The following CLNK variants were observed in gnomAD, a reference collection of about 807,000 sequenced individuals.
CLNK encodes the protein cytokine-dependent hematopoietic cell linker.
Under a neutral mutation model 68.6 loss-of-function variants are expected in CLNK, and 74 were observed. The ratio of observed to expected loss-of-function variants is 1.08; its 90% CI spans 0.89 to 1.31. CLNK has a LOEUF of 1.31. CLNK is among the 50% of genes most tolerant of loss of function. The pLI is 0.00. For missense variants in CLNK, 553 were observed against 515.3 expected, an observed-to-expected ratio of 1.07 and a Z score of -0.71; for synonymous variants, 198 against 172.2, an observed-to-expected ratio of 1.15 and a Z score of -1.17.
At chr4:10,511,117 C>T (rs7674986) in intron 16 of CLNK, among the ~76,000 whole-genome samples, 52,956 of 151,814 alleles carry the variant, frequency 0.35, 9,404 homozygotes, top group African/African-American at 0.43. Context: ...GAGATTGCCC[C>T]ATGGCACTCC....
intron 4 of CLNK, 127 bp downstream of exon 4, chr4:10,584,800 A>T: frequency 1.0e-6 from 1 of 976,068 alleles, no homozygotes; most frequent in Non-Finnish European, 1.6e-6. Context: ...GAATGGCATT[A>T]CTAGCTAATG....
chr4:10,700,904 C>G, the CLNK span, among the ~76,000 whole-genome samples: 1 of 152,160 alleles, frequency 6.6e-6, no homozygotes, highest in Non-Finnish European at 1.5e-5. Context: ...TATAATTACA[C>G]AGATGTTTTG....
At position 10,496,516 on chromosome 4, in the gene CLNK, G is replaced by C. The variant is rs73226442; in HGVS notation, c.1140+4740C>G. On this transcript the variant is annotated intron_variant, in intron 18 of 18. Coordinates refer to ENST00000226951, the MANE Select transcript of CLNK (RefSeq NM_052964.4). The stretch of plus-strand genomic sequence containing the variant: ...AGGCAGGAAGAACCACCTGTGAATT[G>C]TCATTTTTTACCCACTGCCTGGAAC... Among the ~76,000 whole-genome samples, 764 of 152,294 alleles carry C rather than the reference G, an allele frequency of 5.0e-3. 2 individuals are homozygous for C. Among genetic ancestry groups the C allele is most frequent in the Non-Finnish European group, 7.0e-3 (474 of 68,020 alleles).
the CLNK span, among the ~76,000 whole-genome samples, chr4:10,706,928 C>T: frequency 6.6e-6 from 1 of 152,052 alleles, no homozygotes; most frequent in East Asian, 1.9e-4. Flanking sequence ...CTCATCAGAC[C>T]CCCCTCCCTT....
the CLNK span, among the ~76,000 whole-genome samples, chr4:10,725,819 A>G: frequency 6.6e-6 from 1 of 151,554 alleles, no homozygotes; most frequent in African/African-American, 2.4e-5. Flanking sequence ...GCGCCACTGC[A>G]CTCCAGCCTG....
chr4:10,516,848 G>A (rs981361622), intron 15 of CLNK, among the ~76,000 whole-genome samples: 3 of 152,164 alleles, frequency 2.0e-5, no homozygotes, highest in Non-Finnish European at 4.4e-5. Flanking sequence ...ACCACGCCTG[G>A]CCAGGATTGT....
chr4:10,501,159 A>T, intron 18 of CLNK, 97 bp downstream of exon 18: 1 of 1,244,858 alleles, frequency 8.0e-7, no homozygotes, highest in Non-Finnish European at 1.1e-6. Context: ...CCTCTCCTTC[A>T]GGGCGGCATC....
chr4:10,622,175 G>T (rs1722482814), intron 2 of CLNK, among the ~76,000 whole-genome samples: 2 of 152,062 alleles, frequency 1.3e-5, no homozygotes, highest in South Asian at 4.2e-4. Flanking sequence ...CCTTTATTTG[G>T]TAAATACCAT....
chr4:10,501,285 C>T lies in CLNK; in HGVS notation c.1111G>A (p.Ala371Thr). ...IRFLERNQQF[A>T]LGTGLRGDEK... The stretch of plus-strand genomic sequence containing the variant: ...TCTCCTCTGAGTCCTGTCCCCAGGG[C>T]AAACTGCTGATTCCTCTCCAGGAAG... Residue 371 changes from alanine to threonine, a missense_variant, in exon 18 of 19, where the codon GCC (alanine) becomes ACC (threonine). Coordinates refer to ENST00000226951, the MANE Select transcript of CLNK (RefSeq NM_052964.4). 6.2e-7 allele frequency: 1 copy of T among 1,601,620 alleles called. No homozygotes were observed. Among genetic ancestry groups the T allele is most frequent in the East Asian group, 2.3e-5 (1 of 44,370 alleles).
At chr4:10,520,890 T>A in intron 14 of CLNK, 59 bp from the exon 15 acceptor site, 1 of 1,321,040 alleles carries the variant, frequency 7.6e-7, no homozygotes, top group Non-Finnish European at 1.1e-6. Flanking sequence ...GTGGTAAAAT[T>A]CCACTCAGAG....
At chr4:10,558,205 T>A (rs1719750838) in intron 8 of CLNK, among the ~76,000 whole-genome samples, 1 of 152,214 alleles carries the variant, frequency 6.6e-6, no homozygotes, top group Admixed American at 6.5e-5. Flanking sequence ...AATCAATTTC[T>A]TCATCAATAA....
At chr4:10,661,609 C>A (rs186969018) in intron 2 of CLNK, among the ~76,000 whole-genome samples, 1 of 152,118 alleles carries the variant, frequency 6.6e-6, no homozygotes, top group Non-Finnish European at 1.5e-5. Flanking sequence ...CAGTGCCTGG[C>A]GTGTCAGGGA....
chr4:10,729,682 A>G, the CLNK span, among the ~76,000 whole-genome samples: 1 of 152,268 alleles, frequency 6.6e-6, no homozygotes, highest in Non-Finnish European at 1.5e-5. Flanking sequence ...AGAAATGGAA[A>G]GTCAAATACT....
At chr4:10,492,575 T>G (rs1716626270) in intron 18 of CLNK, among the ~76,000 whole-genome samples, 1 of 152,156 alleles carries the variant, frequency 6.6e-6, no homozygotes. Context: ...CTTCACCAGG[T>G]CGCTCAGAGG....
At chr4:10,659,194 TC>T (rs1274066471) in intron 2 of CLNK, among the ~76,000 whole-genome samples, 1 of 151,050 alleles carries the variant, frequency 6.6e-6, no homozygotes, top group Non-Finnish European at 1.5e-5. Flanking sequence ...AGAGCGAAAC[TC>T]TGTCTCAAAG....
chr4:10,683,519 G>A (rs913727908), intron 1 of CLNK, among the ~76,000 whole-genome samples: 5 of 152,166 alleles, frequency 3.3e-5, no homozygotes, highest in Non-Finnish European at 5.9e-5. Context: ...GTTTCCTTCT[G>A]AATTCTGTTA....
At chr4:10,501,586 C>CT (rs1469801195) in intron 17 of CLNK, among the ~76,000 whole-genome samples, 175 bp from the exon 18 acceptor site, 2 of 152,208 alleles carry the variant, frequency 1.3e-5, no homozygotes, top group East Asian at 3.8e-4. Flanking sequence ...GTTCTTGTCA[C>CT]TTTCTGAGAT....
At chr4:10,709,718 A>C in the CLNK span, among the ~76,000 whole-genome samples, 1 of 152,180 alleles carries the variant, frequency 6.6e-6, no homozygotes, top group Admixed American at 6.5e-5. Flanking sequence ...CCAGGCCTCC[A>C]GGACTGCACA....
At chr4:10,574,812 A>G (rs1214424817) in intron 4 of CLNK, among the ~76,000 whole-genome samples, 2 of 152,204 alleles carry the variant, frequency 1.3e-5, no homozygotes, top group Non-Finnish European at 2.9e-5. Context: ...ATTGTATGGA[A>G]AAGCATTGTG....
Sources: allele counts gnomAD v4.1 joint callset (sites outside exome capture counted in the v4.1 genomes callset), GRCh38; gene constraint gnomAD v4.1.1; transcripts MANE v1.5; gene names NCBI Gene and HGNC (gene_info 2026-07-23, HGNC 2026-07-21).